The following GRIK2 variants were observed in gnomAD, a reference collection of about 807,000 sequenced individuals.
GRIK2 encodes the protein glutamate ionotropic receptor kainate type subunit 2, also known as glutamate receptor ionotropic, kainate 2.
Under a neutral mutation model 100.3 loss-of-function variants are expected in GRIK2, and 32 were observed. The observed-to-expected ratio is 0.32, with a 90% CI of 0.24 to 0.43. The LOEUF is 0.43. GRIK2 is among the 20% of genes least tolerant of loss of function. The pLI is 1.00. For missense variants in GRIK2, 843 were observed against 1,114.9 expected (o/e 0.76, Z 3.47); for synonymous variants, 417 against 389.4 (o/e 1.07, Z -0.83).
chr6:101,813,382 A>C (rs994919924), intron 9 of GRIK2, among the ~76,000 whole-genome samples: 1 of 152,158 alleles, frequency 6.6e-6, no homozygotes, highest in African/African-American at 2.4e-5. Flanking sequence ...TTATATAAGA[A>C]GGCAGCAAAA....
At chr6:101,554,557 ACTC>A (rs1433112390) in intron 2 of GRIK2, among the ~76,000 whole-genome samples, 3 of 152,174 alleles carry the variant, frequency 2.0e-5, no homozygotes, top group East Asian at 3.9e-4. Flanking sequence ...CTTTATATCT[ACTC>A]CTGGCTAGGT....
rs902133925 is a variant in GRIK2 at position 102,055,146 on chromosome 6, G to A, written c.2312-184G>A. On this transcript the variant is annotated intron_variant, in intron 15 of 16. Transcript: ENST00000369134. ...ATTTAATTCCTCAATATCTAGCAAG[G>A]CTATCCATTTTAATGATCTTGTTAA... Among the ~76,000 whole-genome samples, 3 of 151,898 alleles carry A rather than the reference G, an allele frequency of 2.0e-5. 1 individual carries two copies. Among genetic ancestry groups the A allele is most frequent in the Admixed American group, 6.6e-5 (1 of 15,232 alleles).
rs1449532556 is a variant in GRIK2 at position 102,068,359 on chromosome 6, A to T, written c.2575A>T (p.Ser859Cys). ...NAQLEKRSFC[S>C]AMVEELRMSL... Reference sequence around the variant, plus strand: ...TGTTCTTCTGTAGAGGTCCTTCTGTAGTGCCATGGTAGAAGAATTGAGGAT... The same window carrying T: ...TGTTCTTCTGTAGAGGTCCTTCTGTTGTGCCATGGTAGAAGAATTGAGGAT... The change falls in exon 17 of 17, where the codon AGT becomes TGT. Residue 859 changes from serine to cysteine, a missense_variant. By Grantham distance (112) the Ser-to-Cys change is moderately radical. This residue lies in a region of GRIK2 where 87 missense variants were observed against 83.2 expected (regional missense o/e 1.05). Transcript: ENST00000369134. 1.9e-6 allele frequency: 3 copies of T among 1,610,280 alleles called. No individual in the cohort carries two copies. In the Admixed American group the frequency reaches 5.0e-5, roughly 27 times the overall value.
At chr6:101,845,777 A>T (rs920633713) in intron 10 of GRIK2, among the ~76,000 whole-genome samples, 2 of 152,162 alleles carry the variant, frequency 1.3e-5, no homozygotes, top group Non-Finnish European at 2.9e-5. Context: ...CTTTCTCACT[A>T]GCAAATGTAT....
chr6:102,059,456 G>A (rs989309309), intron 16 of GRIK2, among the ~76,000 whole-genome samples: 1 of 151,060 alleles, frequency 6.6e-6, no homozygotes, highest in Admixed American at 6.6e-5. Flanking sequence ...GTTTCACTGA[G>A]AAAGCAATCC....
intron 4 of GRIK2, among the ~76,000 whole-genome samples, chr6:101,675,267 A>G (rs61549339): frequency 0.099 from 14,966 of 150,790 alleles, 2,428 homozygotes; most frequent in African/African-American, 0.34. Flanking sequence ...CAGACAGTAC[A>G]TGTACGCACA....
chr6:101,431,129 C>G (rs2128242911), intron 2 of GRIK2: 1 of 249,760 alleles, frequency 4.0e-6, no homozygotes, highest in Non-Finnish European at 8.6e-6. Context: ...CCTTGGGGTT[C>G]AGAGGAGCCT....
At chr6:101,627,107 G>GCT (rs1780495718) in intron 4 of GRIK2, among the ~76,000 whole-genome samples, 1 of 127,864 alleles carries the variant, frequency 7.8e-6, no homozygotes, top group Non-Finnish European at 1.7e-5. Context: ...GTGTGTGCGT[G>GCT]TGTGTGTCTC....
At chr6:101,635,857 G>A (rs551450875) in intron 4 of GRIK2, among the ~76,000 whole-genome samples, 19 of 152,286 alleles carry the variant, frequency 1.2e-4, no homozygotes, top group South Asian at 1.0e-3. Flanking sequence ...AACAACAGAT[G>A]CTGGAGAGGA....
At chr6:101,531,731 T>C (rs1775454106) in intron 2 of GRIK2, among the ~76,000 whole-genome samples, 1 of 151,892 alleles carries the variant, frequency 6.6e-6, no homozygotes. Flanking sequence ...TTCTCCTCCC[T>C]AAGCCCTATC....
chr6:101,892,781 GATAA>G (rs1294939975), intron 12 of GRIK2, among the ~76,000 whole-genome samples: 1 of 151,392 alleles, frequency 6.6e-6, no homozygotes, highest in African/African-American at 2.4e-5. Flanking sequence ...ATAACACAAG[GATAA>G]ATATTTTCTG....
intron 7 of GRIK2, among the ~76,000 whole-genome samples, chr6:101,782,896 G>A (rs1026882799): frequency 4.1e-4 from 55 of 134,984 alleles, no homozygotes; most frequent in Admixed American, 4.2e-4. Flanking sequence ...TCTCACTGTC[G>A]CCCAGGCTGG....
At chr6:101,514,765 G>GT (rs1455089289) in intron 2 of GRIK2, among the ~76,000 whole-genome samples, 1 of 151,960 alleles carries the variant, frequency 6.6e-6, no homozygotes, top group Non-Finnish European at 1.5e-5. Flanking sequence ...GTCTCTTTAA[G>GT]TTTTTTTGAG....
intron 12 of GRIK2, among the ~76,000 whole-genome samples, chr6:101,917,755 A>C (rs760551860): frequency 6.6e-6 from 1 of 151,642 alleles, no homozygotes; most frequent in Non-Finnish European, 1.5e-5. Context: ...TAACAATTGA[A>C]AATTTGAATA....
At chr6:101,529,757 C>A (rs1353408884) in intron 2 of GRIK2, among the ~76,000 whole-genome samples, 1 of 151,938 alleles carries the variant, frequency 6.6e-6, no homozygotes, top group East Asian at 1.9e-4. Context: ...AATGCAGAGG[C>A]CTGGACAAAG....
chr6:101,621,913 T>C, intron 2 of GRIK2, 36 bp from the exon 3 acceptor site: 1 of 1,444,786 alleles, frequency 6.9e-7, no homozygotes, highest in Non-Finnish European at 9.7e-7. Flanking sequence ...TGTTTATTCT[T>C]GTAAAATTTA....
At chr6:101,687,266 T>A (rs1321424289) in intron 7 of GRIK2, among the ~76,000 whole-genome samples, 1 of 151,962 alleles carries the variant, frequency 6.6e-6, no homozygotes, top group Non-Finnish European at 1.5e-5. Context: ...TGTCATGTTA[T>A]TTTTGAAAAT....
intron 14 of GRIK2, among the ~76,000 whole-genome samples, chr6:101,989,778 T>G (rs942298393): frequency 6.6e-5 from 10 of 151,526 alleles, no homozygotes; most frequent in Non-Finnish European, 1.0e-4. Context: ...AAAGCACACT[T>G]AAAGAAGGCT....
intron 2 of GRIK2, among the ~76,000 whole-genome samples, chr6:101,551,677 CT>C (rs1172767321): frequency 2.6e-5 from 4 of 152,240 alleles, no homozygotes; most frequent in East Asian, 3.9e-4. Flanking sequence ...GCCTCTGCCC[CT>C]ATAAGACTTA....
Sources: gnomAD v4.1 joint callset for allele counts (sites outside exome capture counted in the v4.1 genomes callset) on GRCh38, gnomAD v4.1.1 for gene constraint, gnomAD v4.1.1 regional missense constraint, MANE v1.5 for transcripts, NCBI Gene and HGNC (gene_info 2026-07-23, HGNC 2026-07-21) for gene names.